HNRNPUL1: variants seen among roughly 807,000 people sequenced by gnomAD.
HNRNPUL1 encodes heterogeneous nuclear ribonucleoprotein U-like protein 1.
In HNRNPUL1, 14 loss-of-function variants were observed where a neutral mutation model predicts 108.5. That is an observed-to-expected ratio of 0.13 (90% CI 0.09 to 0.20). HNRNPUL1 has a LOEUF of 0.20. HNRNPUL1 is among the 10% of genes least tolerant of loss of function. The pLI is 1.00. For synonymous variants in HNRNPUL1, 422 were observed against 445.2 expected, an observed-to-expected ratio of 0.95 and a Z score of 0.66; for missense variants, 804 against 1,168.3, an observed-to-expected ratio of 0.69 and a Z score of 4.55.
intron 7 of HNRNPUL1, chr19:41,286,439 G>A (rs917537786): frequency 2.0e-5 from 3 of 151,948 alleles, no homozygotes; most frequent in African/African-American, 4.8e-5. Context: ...ATGAGACAGG[G>A]TCTTGCTGCA....
At chr19:41,301,441 C>T (rs2037205581) in intron 10 of HNRNPUL1, 95 bp from the exon 11 acceptor site, 1 of 1,003,062 alleles carries the variant, frequency 1.0e-6, no homozygotes, top group Non-Finnish European at 1.5e-6. Context: ...GCACTGATAT[C>T]CTTTTCTCAG....
At position 41,268,339 on chromosome 19, in the gene HNRNPUL1, C is replaced by A; in HGVS notation, c.412C>A (p.Arg138Ser). 6.2e-7 allele frequency: 1 copy of A among 1,613,266 alleles called. No individual in the cohort carries two copies. The highest frequency in any genetic ancestry group is 8.5e-7 in the Non-Finnish European group (1 of 1,179,676). The change falls in exon 2 of 15, where the codon CGT (arginine) becomes AGT (serine). Residue 138 changes from arginine to serine, a missense_variant. By Grantham distance (110) the Arg-to-Ser change is moderately radical. This residue lies in a region of HNRNPUL1 where 256 missense variants were observed against 261.6 expected (regional missense o/e 0.98). Transcript: ENST00000392006. Reference protein sequence around the residue: ...PLEMEQQQAYRPEMKTEMKQG... With the variant: ...PLEMEQQQAYSPEMKTEMKQG... Reference sequence around the variant, plus strand: ...GGAAATGGAGCAGCAGCAGGCCTATCGTCCAGGTAGGAAAATACACATGGT... The same window carrying A: ...GGAAATGGAGCAGCAGCAGGCCTATAGTCCAGGTAGGAAAATACACATGGT...
At chr19:41,287,232 C>T (rs12975920) in intron 7 of HNRNPUL1, among the ~76,000 whole-genome samples, 47,780 of 151,448 alleles carry the variant, frequency 0.32, 8,727 homozygotes, top group African/African-American at 0.51. Context: ...GTCAGGCTAG[C>T]CTCAAACTCC....
chr19:41,288,746 T>G (rs958942608), intron 7 of HNRNPUL1, among the ~76,000 whole-genome samples: 2 of 152,198 alleles, frequency 1.3e-5, no homozygotes, highest in Non-Finnish European at 2.9e-5. Context: ...CCTGCTTTAA[T>G]TTAGCCCGTC....
intron 7 of HNRNPUL1, among the ~76,000 whole-genome samples, chr19:41,283,219 A>G (rs1264888175): frequency 1.3e-5 from 2 of 152,232 alleles, no homozygotes; most frequent in Non-Finnish European, 2.9e-5. Flanking sequence ...CAGACTCTAC[A>G]TGGTACCATT....
intron 7 of HNRNPUL1, among the ~76,000 whole-genome samples, chr19:41,282,670 G>A (rs899839386): frequency 3.3e-5 from 5 of 151,130 alleles, no homozygotes; most frequent in Non-Finnish European, 7.4e-5. Flanking sequence ...GTTCACTTAT[G>A]TGCATATTTT....
At chr19:41,277,419 T>C (rs183771282) in intron 5 of HNRNPUL1, among the ~76,000 whole-genome samples, 3 of 152,344 alleles carry the variant, frequency 2.0e-5, no homozygotes, top group Non-Finnish European at 2.9e-5. Flanking sequence ...CACGACACCA[T>C]TGATGTAAGT....
chr19:41,304,093 A>G lies in HNRNPUL1; in HGVS notation c.2094A>G (p.Pro698=). The part of the protein sequence containing the change: ...YNRAPQQQPP[P]QQPPPPQPPP... ...GGGCTCCCCAGCAACAGCCGCCACC[A>G]CAGCAGCCTCCGCCACCACAGCCAC... Residue 698 remains proline (P), a synonymous_variant, in exon 13 of 15, where the codon CCA becomes CCG. Transcript: ENST00000392006. The G allele has an allele frequency of 6.2e-7, 1 of 1,613,174 alleles. No individual in the cohort carries two copies. The highest frequency in any genetic ancestry group is 8.5e-7 in the Non-Finnish European group (1 of 1,179,244).
intron 7 of HNRNPUL1, chr19:41,286,653 A>G (rs1599812475): frequency 1.4e-5 from 2 of 144,766 alleles, no homozygotes; most frequent in South Asian, 4.3e-4. Flanking sequence ...ATCCACCCCA[A>G]CCTAGTAGCT....
intron 2 of HNRNPUL1, among the ~76,000 whole-genome samples, chr19:41,271,024 C>G (rs2035204304): frequency 1.3e-5 from 2 of 152,158 alleles, no homozygotes; most frequent in Admixed American, 1.3e-4. Flanking sequence ...TTGTGCCTTA[C>G]TATTTGGAAA....
intron 1 of HNRNPUL1, among the ~76,000 whole-genome samples, chr19:41,266,725 A>G (rs1194302595): frequency 6.6e-6 from 1 of 152,174 alleles, no homozygotes; most frequent in Non-Finnish European, 1.5e-5. Flanking sequence ...CTAAGGGGAT[A>G]AGGAGAGAAA....
At position 41,282,846 on chromosome 19, in the gene HNRNPUL1, C is replaced by T. The variant is rs1328615961; in HGVS notation, c.999+1571C>T. Among the ~76,000 whole-genome samples the T allele has an allele frequency of 4.0e-5, 6 of 151,132 alleles. No individual in the cohort carries two copies. In the South Asian group the frequency reaches 8.4e-4, roughly 21 times the overall value. On this transcript the variant is annotated intron_variant, in intron 7 of 14. Coordinates refer to ENST00000392006, the MANE Select transcript of HNRNPUL1 (RefSeq NM_007040.6). Reference sequence around the variant, plus strand: ...CTGGGACTACAGGCGCCCGCCACTACGCCCGGCTAATTTTTTGTATTTTTT... The same window carrying T: ...CTGGGACTACAGGCGCCCGCCACTATGCCCGGCTAATTTTTTGTATTTTTT...
chr19:41,304,497 C>T (rs986492473), intron 13 of HNRNPUL1, among the ~76,000 whole-genome samples: 1 of 152,200 alleles, frequency 6.6e-6, no homozygotes, highest in Non-Finnish European at 1.5e-5. Flanking sequence ...AGAACCTGCT[C>T]TTCTCCCACC....
chr19:41,264,385 G>GC lies in HNRNPUL1; in HGVS notation c.-117dup, dbSNP rs146656347. ...GTGGCGGCGGCCATTTTGAGCCGCT[G>GC]CCGCCATTGGAGTGGGCCCCCCCCC... is the stretch of plus-strand genomic sequence containing the variant. On this transcript the variant is annotated 5_prime_UTR_variant, in exon 1 of 15. Coordinates refer to ENST00000392006, the MANE Select transcript of HNRNPUL1 (RefSeq NM_007040.6). 1 of 862,760 alleles carries GC rather than the reference G, an allele frequency of 1.2e-6. No homozygotes were observed. Among genetic ancestry groups the GC allele is most frequent in the South Asian group, 4.1e-5 (1 of 24,384 alleles). 53.4% of individuals were successfully genotyped at this position (862,760 alleles called of 1,614,324 possible).
chr19:41,273,879 A>T, intron 3 of HNRNPUL1, 103 bp from the exon 4 acceptor site: 1 of 863,050 alleles, frequency 1.2e-6, no homozygotes, highest in Non-Finnish European at 1.9e-6. Flanking sequence ...GAGATTCAGG[A>T]AGCAGTCTGG....
chr19:41,277,148 C>T (rs149770498), intron 5 of HNRNPUL1, among the ~76,000 whole-genome samples: 3 of 151,834 alleles, frequency 2.0e-5, no homozygotes, highest in Admixed American at 6.6e-5. Flanking sequence ...AGGTTATTCT[C>T]ATGTCCTCTC....
chr19:41,290,652 T>C (rs1413753930), intron 7 of HNRNPUL1, among the ~76,000 whole-genome samples: 12 of 152,216 alleles, frequency 7.9e-5, no homozygotes, highest in Non-Finnish European at 4.4e-5. Flanking sequence ...ACATAGGCTG[T>C]ATAAAATATT....
rs1422751631 is a variant in HNRNPUL1, at chr19:41,264,962, C to T, written c.295+164C>T. ...TCTGGGGACCAGGGCCCCAGCACGA[C>T]CGGAGGGTGGATCCTGACACTCAGT... On this transcript the variant is annotated intron_variant, in intron 1 of 14. Coordinates refer to ENST00000392006, the MANE Select transcript of HNRNPUL1 (RefSeq NM_007040.6). 5.2e-6 allele frequency: 7 copies of T among 1,344,288 alleles called. No individual in the cohort carries two copies. The African/African-American group carries it at 1.1e-4, about 21-fold the overall frequency. 83.3% of individuals were successfully genotyped at this position (1,344,288 alleles called of 1,614,324 possible). A position where few individuals can be genotyped will look rare whatever the true frequency, so the allele number is the denominator to read the frequency against.
In HNRNPUL1 at chr19:41,292,595, GC is replaced by G; in HGVS notation, c.1266+85del. On this transcript the variant is annotated intron_variant, in intron 8 of 14. Coordinates refer to ENST00000392006, the MANE Select transcript of HNRNPUL1 (RefSeq NM_007040.6). This position sits in a 1 kb window ranked among gnomAD's most constrained non-coding sequence, Gnocchi z 4.1. ...ACACACACACACACACAGACTTGCT[GC>G]GAGAGTAGCCTTGGGGCAAGTGGCC... 1 of 1,514,388 alleles carries G rather than the reference GC, an allele frequency of 6.6e-7. No homozygotes were observed. The highest frequency in any genetic ancestry group is 1.7e-5 in the Admixed American group (1 of 58,422). The allele number at this position is 1,514,388 out of a possible 1,614,324, so 93.8% of individuals were successfully genotyped here. A position where few individuals can be genotyped will look rare whatever the true frequency, so the allele number is the denominator to read the frequency against.
Sources: gnomAD v4.1 joint callset for allele counts (sites outside exome capture counted in the v4.1 genomes callset) on GRCh38, gnomAD v4.1.1 for gene constraint, gnomAD v4.1.1 regional missense constraint, Gnocchi (gnomAD v3.1) non-coding constraint, MANE v1.5 for transcripts, NCBI Gene and HGNC (gene_info 2026-07-23, HGNC 2026-07-21) for gene names.